Variants in MYRF observed in about 807,000 individuals in gnomAD.
The protein encoded by MYRF is myelin regulatory factor.
A neutral mutation model predicts 126.3 loss-of-function variants in MYRF; 16 were observed. The observed-to-expected ratio is 0.13, with a 90% CI of 0.09 to 0.19. The LOEUF is 0.19. Among genes scored for constraint, MYRF ranks in the 10% least tolerant of loss-of-function variants. The pLI is 1.00. For synonymous variants in MYRF, 608 were observed against 635.3 expected, an observed-to-expected ratio of 0.96 and a Z score of 0.65; for missense variants, 1,104 against 1,547.0, an observed-to-expected ratio of 0.71 and a Z score of 4.80.
chr11:61,759,942 GA>G (rs1013895515), intron 1 of MYRF, among the ~76,000 whole-genome samples: 2 of 152,100 alleles, frequency 1.3e-5, no homozygotes, highest in African/African-American at 4.8e-5. Flanking sequence ...GTCACAAGTT[GA>G]AGCCTGAAGC....
At chr11:61,770,128 A>C in intron 4 of MYRF, 118 bp from the exon 5 acceptor site, 1 of 1,035,798 alleles carries the variant, frequency 9.7e-7, no homozygotes, top group Non-Finnish European at 1.3e-6. Flanking sequence ...GGTGGGGGGC[A>C]GCCCCCGGGC....
At chr11:61,773,859 G>A (rs868397045) in intron 7 of MYRF, 108 bp from the exon 8 acceptor site, 2 of 868,240 alleles carry the variant, frequency 2.3e-6, no homozygotes, top group African/African-American at 3.4e-5. Flanking sequence ...GTTTGAGGAT[G>A]CAGGGGTGTG....
intron 1 of MYRF, chr11:61,755,560 A>G: frequency 7.7e-7 from 1 of 1,296,804 alleles, no homozygotes; most frequent in African/African-American, 1.4e-5. Context: ...TGGACCACTG[A>G]GAGTGGGGTG....
At chr11:61,768,460 G>A (rs975611700) in intron 3 of MYRF, 1 of 152,282 alleles carries the variant, frequency 6.6e-6, no homozygotes, top group Non-Finnish European at 1.5e-5. Flanking sequence ...AACCTGCAGG[G>A]TCTGTGTTCT....
intron 16 of MYRF, 114 bp from the exon 17 acceptor site, chr11:61,779,727 GC>G (rs2066487614): frequency 1.6e-6 from 2 of 1,212,944 alleles, no homozygotes; most frequent in Non-Finnish European, 2.3e-6. Context: ...TTCTCCCTTT[GC>G]CCCCGGGGAA....
At chr11:61,785,913 A>G (rs1302727899) in intron 26 of MYRF, 39 bp downstream of exon 26, 1 of 1,601,294 alleles carries the variant, frequency 6.2e-7, no homozygotes, top group Non-Finnish European at 8.6e-7. Flanking sequence ...AGGTCTGGGC[A>G]CCCCTGTCTG....
intron 3 of MYRF, chr11:61,766,428 A>T: frequency 1.9e-6 from 1 of 536,970 alleles, no homozygotes; most frequent in South Asian, 3.4e-5. Context: ...GGGCAGCCAC[A>T]AAGCTTCTAA....
intron 1 of MYRF, among the ~76,000 whole-genome samples, chr11:61,756,625 G>A (rs1240629134): frequency 5.3e-5 from 8 of 151,032 alleles, no homozygotes; most frequent in African/African-American, 2.0e-4. Context: ...CAGGGGTGGG[G>A]GGTGGGCAGG....
At chr11:61,755,231 G>A (rs1030017081) in intron 1 of MYRF, among the ~76,000 whole-genome samples, 16 of 152,316 alleles carry the variant, frequency 1.1e-4, no homozygotes, top group Admixed American at 9.8e-4. Flanking sequence ...ATAGGTGCTG[G>A]GTCCTGCCCT....
chr11:61,781,857 A>T (rs2066562025), intron 22 of MYRF, 33 bp downstream of exon 22: 1 of 1,503,564 alleles, frequency 6.7e-7, no homozygotes, highest in Non-Finnish European at 8.8e-7. Flanking sequence ...TACCCAGCCC[A>T]GCCTGGCAAG....
chr11:61,773,829 T>C lies in MYRF; in HGVS notation c.1116-138T>C, dbSNP rs544250857. The C allele has an allele frequency of 3.7e-4, 247 of 673,860 alleles. 2 individuals carry two copies. In the African/African-American group the frequency reaches 3.9e-3, roughly 11 times the overall value. The allele number at this position is 673,860 out of a possible 1,614,324, so 41.7% of individuals were successfully genotyped here. On this transcript the variant is annotated intron_variant, in intron 7 of 26. Transcript: ENST00000278836. Reference sequence around the variant, plus strand: ...GGACTCAGTTTCCATTTCTCAGGAGTGGGGGCAGCCGCATTGGTGGTTTGA... The same window carrying C: ...GGACTCAGTTTCCATTTCTCAGGAGCGGGGGCAGCCGCATTGGTGGTTTGA...
At chr11:61,784,423 G>C in intron 25 of MYRF, 38 bp downstream of exon 25, 1 of 1,556,266 alleles carries the variant, frequency 6.4e-7, no homozygotes, top group South Asian at 1.1e-5. Flanking sequence ...GGCCAGGCCC[G>C]AGCTGCTTCT....
In MYRF at chr11:61,785,888, TC is replaced by T; in HGVS notation, c.3375+17del. ...GTGGCACTGCTGGTGAGCAGGGGCA[TC>T]CCACCTACCCTGGAGGTCTGGGCAC... On this transcript the variant is annotated intron_variant, in intron 26 of 26. Transcript: ENST00000278836. 3 of 1,613,322 alleles carry T rather than the reference TC, an allele frequency of 1.9e-6. No homozygotes were observed. The highest frequency in any genetic ancestry group is 2.5e-6 in the Non-Finnish European group (3 of 1,179,264).
rs143211724 is a variant in MYRF, at chr11:61,773,424, G to A, written c.1116-543G>A. Among the ~76,000 whole-genome samples the A allele has an allele frequency of 7.7e-3, 1,167 of 152,302 alleles. 7 individuals are homozygous for A. Among genetic ancestry groups the A allele is most frequent in the Non-Finnish European group, 0.013 (864 of 68,006 alleles). ...GTGCCCCTTCCCTCCCCGGGCAGAC[G>A]GAGGGAGTAGGAATGAGGAGGGAGT... On this transcript the variant is annotated intron_variant, in intron 7 of 26. Coordinates refer to ENST00000278836, the MANE Select transcript of MYRF (RefSeq NM_001127392.3).
At chr11:61,765,779 G>A in intron 2 of MYRF, 67 bp downstream of exon 2, 1 of 1,523,524 alleles carries the variant, frequency 6.6e-7, no homozygotes, top group Non-Finnish European at 9.0e-7. Context: ...TCTGTCACCA[G>A]GGAGGTCTGA....
At chr11:61,753,352 C>T (rs2065658429) in intron 1 of MYRF, among the ~76,000 whole-genome samples, 1 of 151,988 alleles carries the variant, frequency 6.6e-6, no homozygotes, top group South Asian at 2.1e-4. Context: ...CACTGTGCTT[C>T]CATGAGGGTA....
intron 16 of MYRF, 134 bp downstream of exon 16, chr11:61,779,704 C>A: frequency 8.3e-7 from 1 of 1,210,740 alleles, no homozygotes; most frequent in South Asian, 1.5e-5. Context: ...CCTCCCAGCC[C>A]CGTTTCTCTT....
chr11:61,777,512 GCCGC>G lies in MYRF; in HGVS notation c.1791+49_1791+52del. The G allele has an allele frequency of 1.3e-6, 2 of 1,523,702 alleles. No individual in the cohort carries two copies. The highest frequency in any genetic ancestry group is 1.8e-6 in the Non-Finnish European group (2 of 1,126,378). The allele number at this position is 1,523,702 out of a possible 1,614,324, so 94.4% of individuals were successfully genotyped here. A position where few individuals can be genotyped will look rare whatever the true frequency, so the allele number is the denominator to read the frequency against. ...CGGGCGGGTCCAGACGCTGGAGCGG[GCCGC>G]GGGGGCGGGGCTCCTGGGGAGGGGG... is the stretch of plus-strand genomic sequence containing the variant. On this transcript the variant is annotated intron_variant, in intron 12 of 26. Coordinates refer to ENST00000278836, the MANE Select transcript of MYRF (RefSeq NM_001127392.3). This position sits in a 1 kb window ranked among gnomAD's most constrained non-coding sequence, Gnocchi z 8.8.
intron 22 of MYRF, 148 bp downstream of exon 22, chr11:61,781,972 G>A: frequency 1.0e-6 from 1 of 980,910 alleles, no homozygotes; most frequent in Non-Finnish European, 1.4e-6. Flanking sequence ...CAGGAATCAG[G>A]CCTGCAGCCT....
Sources: allele counts gnomAD v4.1 joint callset (sites outside exome capture counted in the v4.1 genomes callset), GRCh38; gene constraint gnomAD v4.1.1; non-coding constraint Gnocchi (gnomAD v3.1); transcripts MANE v1.5; gene names NCBI Gene and HGNC (gene_info 2026-07-23, HGNC 2026-07-21).